SND1: variants seen among roughly 807,000 people sequenced by gnomAD.
SND1 encodes staphylococcal nuclease domain-containing protein 1.
SND1 carries 38 observed loss-of-function variants against 121.7 expected under a neutral mutation model. The ratio of observed to expected loss-of-function variants is 0.31; its 90% CI spans 0.24 to 0.41. SND1 has a LOEUF of 0.41. SND1 is among the 10% of genes least tolerant of loss of function. The pLI, the probability that SND1 is intolerant of heterozygous loss-of-function variation, is 1.00. For synonymous variants in SND1, 401 were observed against 447.4 expected, an observed-to-expected ratio of 0.90 and a Z score of 1.31; for missense variants, 868 against 1,184.6, an observed-to-expected ratio of 0.73 and a Z score of 3.92.
At chr7:127,747,736 A>G (rs1193124607) in intron 10 of SND1, among the ~76,000 whole-genome samples, 3 of 152,226 alleles carry the variant, frequency 2.0e-5, no homozygotes, top group South Asian at 2.1e-4. Context: ...ACATGCCACT[A>G]TAATAATTTT....
intron 16 of SND1, chr7:128,032,139 T>G (rs970178484): frequency 6.6e-6 from 1 of 151,772 alleles, no homozygotes; most frequent in Non-Finnish European, 1.5e-5. Context: ...GGGAGAAGAT[T>G]AGCGTGATGC....
At chr7:127,844,099 GT>G (rs1326675425) in intron 11 of SND1, among the ~76,000 whole-genome samples, 3 of 152,130 alleles carry the variant, frequency 2.0e-5, no homozygotes, top group Admixed American at 1.3e-4. Context: ...AGTTTTAAGA[GT>G]TTTTTGTATA....
chr7:128,047,713 A>G (rs1315593305), intron 16 of SND1, among the ~76,000 whole-genome samples: 1 of 152,206 alleles, frequency 6.6e-6, no homozygotes, highest in Non-Finnish European at 1.5e-5. Context: ...TGTGGTTTCC[A>G]TTTTGTGCCC....
chr7:127,653,171 A>G (rs773303422), intron 1 of SND1, among the ~76,000 whole-genome samples: 6 of 152,210 alleles, frequency 3.9e-5, no homozygotes, highest in African/African-American at 1.4e-4. Context: ...TGCTCATAGC[A>G]CTATAGATTC....
At chr7:127,747,073 A>T (rs1003650660) in intron 10 of SND1, among the ~76,000 whole-genome samples, 9 of 152,138 alleles carry the variant, frequency 5.9e-5, no homozygotes, top group African/African-American at 1.9e-4. Flanking sequence ...CATGCATGAG[A>T]TGTTTTGCTT....
chr7:128,017,985 G>C (rs536316948), intron 16 of SND1, among the ~76,000 whole-genome samples: 41 of 152,364 alleles, frequency 2.7e-4, no homozygotes, highest in Non-Finnish European at 5.9e-4. Flanking sequence ...CATTGGCATT[G>C]CCAGTGGGGA....
chr7:128,038,137 A>G (rs1173206869), intron 16 of SND1, among the ~76,000 whole-genome samples: 1 of 152,254 alleles, frequency 6.6e-6, no homozygotes. Flanking sequence ...TATGCTTACA[A>G]TTAGCCTCTT....
chr7:128,068,264 C>G (rs575917023), intron 16 of SND1, among the ~76,000 whole-genome samples: 1 of 145,312 alleles, frequency 6.9e-6, no homozygotes, highest in Non-Finnish European at 1.5e-5. Context: ...CCTCCCCCCA[C>G]CCCAAACCCT....
At chr7:127,817,504 C>G (rs1223174571) in intron 11 of SND1, among the ~76,000 whole-genome samples, 1 of 152,082 alleles carries the variant, frequency 6.6e-6, no homozygotes, top group Non-Finnish European at 1.5e-5. Context: ...TCTGCTGATA[C>G]CCATTTGCCT....
At chr7:127,794,743 G>A (rs1291793091) in intron 10 of SND1, among the ~76,000 whole-genome samples, 1 of 152,132 alleles carries the variant, frequency 6.6e-6, no homozygotes, top group Non-Finnish European at 1.5e-5. Context: ...TTAAGTAACG[G>A]GGTTGTCTCT....
chr7:128,010,706 A>G (rs1436824405), intron 16 of SND1, among the ~76,000 whole-genome samples: 1 of 152,264 alleles, frequency 6.6e-6, no homozygotes, highest in African/African-American at 2.4e-5. Context: ...TAAGAAGGCA[A>G]GAGGTTCCTT....
At position 127,686,735 on chromosome 7, in the gene SND1, A is replaced by C; in HGVS notation, c.201A>C (p.Gln67His). The part of the protein sequence containing the change: ...GNLARRAAAT[Q>H]PDAKDTPDEP... ...TTGCTCGCCGGGCAGCCGCCACACA[A>C]CCTGATGCAAAGGATACCCCTGATG... The change falls in exon 2 of 24, where the codon CAA becomes CAC. Residue 67 changes from glutamine (Q) to histidine (H), a missense_variant. Physicochemically the swap from Gln to His is conservative, Grantham distance 24. Around this residue, in one of 2 missense-constraint regions of SND1, gnomAD observed 125 missense variants for 113.3 expected, o/e 1.10. Transcript: ENST00000354725. 6.2e-7 allele frequency: 1 copy of C among 1,614,170 alleles called. No individual in the cohort carries two copies. The highest frequency in any genetic ancestry group is 1.1e-5 in the South Asian group (1 of 91,078).
intron 12 of SND1, among the ~76,000 whole-genome samples, chr7:127,862,321 C>T (rs1186532860): frequency 6.6e-6 from 1 of 152,220 alleles, no homozygotes; most frequent in Admixed American, 6.5e-5. Context: ...TACCAGGACT[C>T]TCGTCTCCCT....
At chr7:127,755,556 G>A (rs1000799241) in intron 10 of SND1, among the ~76,000 whole-genome samples, 2 of 152,190 alleles carry the variant, frequency 1.3e-5, no homozygotes, top group African/African-American at 4.8e-5. Flanking sequence ...GCTGATGCTG[G>A]GCAGCCATAG....
In SND1 at chr7:128,089,651, G is replaced by T. The variant is rs1793744358; in HGVS notation, c.2581G>T (p.Val861Phe). 6.2e-7 allele frequency: 1 copy of T among 1,614,074 alleles called. No homozygotes were observed. The highest frequency in any genetic ancestry group is 1.3e-5 in the African/African-American group (1 of 74,924). ...VGLGLVKEGLVMVEVRKEKQF... is the reference protein window; with the variant it reads ...VGLGLVKEGLFMVEVRKEKQF... ...GCTGGGCTTGGTGAAGGAAGGGCTG[G>T]TCATGGTGGAGGTGCGCAAGGAGAA... Residue 861 changes from valine to phenylalanine, a missense_variant, in exon 22 of 24, where the codon GTC becomes TTC. Around this residue, in one of 2 missense-constraint regions of SND1, gnomAD observed 743 missense variants for 1,071.3 expected, o/e 0.69. Coordinates refer to ENST00000354725, the MANE Select transcript of SND1 (RefSeq NM_014390.4).
chr7:127,913,312 C>T (rs567929950), intron 14 of SND1, among the ~76,000 whole-genome samples: 3 of 152,110 alleles, frequency 2.0e-5, no homozygotes, highest in Non-Finnish European at 4.4e-5. Context: ...TTAACTGTGC[C>T]TTCACAAACA....
intron 13 of SND1, among the ~76,000 whole-genome samples, chr7:127,903,166 G>A (rs1242130378): frequency 2.6e-5 from 4 of 152,062 alleles, no homozygotes; most frequent in African/African-American, 9.7e-5. Flanking sequence ...ACAGGCTTGA[G>A]CCCCCACACC....
intron 7 of SND1, among the ~76,000 whole-genome samples, chr7:127,703,631 G>T (rs748037828): frequency 1.1e-4 from 16 of 152,260 alleles, no homozygotes; most frequent in Admixed American, 4.6e-4. Flanking sequence ...AGAACTGCTT[G>T]AACCCGGGAG....
chr7:127,693,730 T>C (rs1055721165), intron 2 of SND1, among the ~76,000 whole-genome samples: 1 of 152,216 alleles, frequency 6.6e-6, no homozygotes, highest in Non-Finnish European at 1.5e-5. Flanking sequence ...TTTTCCCTTT[T>C]ATACTTCACA....
Sources: allele counts gnomAD v4.1 joint callset (sites outside exome capture counted in the v4.1 genomes callset), GRCh38; gene constraint gnomAD v4.1.1; regional missense constraint gnomAD v4.1.1; transcripts MANE v1.5; gene names NCBI Gene and HGNC (gene_info 2026-07-23, HGNC 2026-07-21).